Variants in LUZP2 observed in about 807,000 individuals in gnomAD.
LUZP2 encodes the protein leucine zipper protein 2.
LUZP2 carries 52 observed loss-of-function variants against 51.6 expected under a neutral mutation model. The observed-to-expected ratio is 1.01, with a 90% confidence interval of 0.81 to 1.27. The LOEUF is 1.27. Ranked by LOEUF, LUZP2 falls within the 50% of genes most tolerant of loss-of-function variation. LUZP2 has a pLI of 0.00. For synonymous variants in LUZP2, 154 were observed against 137.3 expected, an observed-to-expected ratio of 1.12 and a Z score of -0.85; for missense variants, 436 against 395.4, an observed-to-expected ratio of 1.10 and a Z score of -0.87.
rs544177221 is a variant in LUZP2, at chr11:24,685,912, T to C, written c.63-43257T>C. Among the ~76,000 whole-genome samples the C allele has an allele frequency of 1.0e-3, 153 of 152,288 alleles. 1 individual carries two copies. The highest frequency in any genetic ancestry group is 3.4e-3 in the Middle Eastern group (1 of 294). ...CCACCTAATGTCCTTCCTTACCTACTCCCAGATATTTTTGAAGAAGCATCA... is the reference window on the plus strand; with the variant it reads ...CCACCTAATGTCCTTCCTTACCTACCCCCAGATATTTTTGAAGAAGCATCA... On this transcript the variant is annotated intron_variant, in intron 1 of 11. Transcript: ENST00000336930.
intron 1 of LUZP2, among the ~76,000 whole-genome samples, chr11:24,604,045 T>C (rs1207026837): frequency 6.6e-6 from 1 of 151,848 alleles, no homozygotes; most frequent in African/African-American, 2.4e-5. Flanking sequence ...CAAAATTCTG[T>C]GTAATTTACA....
chr11:24,895,602 G>A (rs556419495), intron 5 of LUZP2, among the ~76,000 whole-genome samples: 1 of 152,284 alleles, frequency 6.6e-6, no homozygotes, highest in East Asian at 1.9e-4. Flanking sequence ...TTATAAGTGA[G>A]AATATGTGGT....
At chr11:24,652,123 TG>T (rs1444582080) in intron 1 of LUZP2, among the ~76,000 whole-genome samples, 4 of 151,996 alleles carry the variant, frequency 2.6e-5, no homozygotes, top group Non-Finnish European at 4.4e-5. Flanking sequence ...TGTGTGTGTG[TG>T]TGTGCGTATG....
At chr11:24,817,870 G>T (rs1850231694) in intron 5 of LUZP2, among the ~76,000 whole-genome samples, 1 of 151,880 alleles carries the variant, frequency 6.6e-6, no homozygotes, top group Non-Finnish European at 1.5e-5. Flanking sequence ...CATACACTGT[G>T]TAATATTTTC....
At chr11:25,055,358 G>T (rs1042264299) in intron 10 of LUZP2, among the ~76,000 whole-genome samples, 4 of 151,580 alleles carry the variant, frequency 2.6e-5, no homozygotes, top group African/African-American at 9.7e-5. Context: ...AGTTTTTCAG[G>T]GTACAAGTCT....
At chr11:24,544,489 G>A (rs1370330538) in intron 1 of LUZP2, among the ~76,000 whole-genome samples, 1 of 151,976 alleles carries the variant, frequency 6.6e-6, no homozygotes, top group Non-Finnish European at 1.5e-5. Context: ...CCTACTATGT[G>A]TCCATGAGTT....
At chr11:24,546,102 G>C (rs1590164655) in intron 1 of LUZP2, among the ~76,000 whole-genome samples, 1 of 151,998 alleles carries the variant, frequency 6.6e-6, no homozygotes, top group South Asian at 2.1e-4. Context: ...TTGGTGTATA[G>C]GAATGTTATG....
chr11:24,509,353 A>G (rs1464806575), intron 1 of LUZP2, among the ~76,000 whole-genome samples: 1 of 152,016 alleles, frequency 6.6e-6, no homozygotes, highest in South Asian at 2.1e-4. Context: ...TAACTGTTCT[A>G]GAATTAACTC....
intron 5 of LUZP2, among the ~76,000 whole-genome samples, chr11:24,781,563 T>C (rs1384618819): frequency 8.3e-6 from 1 of 121,116 alleles, no homozygotes; most frequent in Non-Finnish European, 1.7e-5. Flanking sequence ...AGACCTGTGT[T>C]TCATGATTTT....
At chr11:25,026,538 AT>A (rs1857497504) in intron 9 of LUZP2, among the ~76,000 whole-genome samples, 1 of 64,000 alleles carries the variant, frequency 1.6e-5, no homozygotes, top group African/African-American at 3.0e-5. Flanking sequence ...AAATGTGATT[AT>A]TTTTTTCTAA....
intron 5 of LUZP2, among the ~76,000 whole-genome samples, chr11:24,849,073 T>G (rs905736420): frequency 1.3e-5 from 2 of 152,076 alleles, no homozygotes; most frequent in African/African-American, 4.8e-5. Flanking sequence ...TACTCAGCAT[T>G]TTTTCATTTA....
intron 5 of LUZP2, among the ~76,000 whole-genome samples, chr11:24,848,976 C>G (rs1234572940): frequency 2.6e-5 from 4 of 151,970 alleles, no homozygotes; most frequent in Admixed American, 2.6e-4. Flanking sequence ...ACAGCAAAAC[C>G]CACAACCTAA....
chr11:24,676,050 C>A (rs1856540030), intron 1 of LUZP2, among the ~76,000 whole-genome samples: 1 of 152,016 alleles, frequency 6.6e-6, no homozygotes, highest in Non-Finnish European at 1.5e-5. Context: ...AACTCCTAAC[C>A]TCAAGTGATC....
chr11:24,783,615 C>G (rs904158171), intron 5 of LUZP2, among the ~76,000 whole-genome samples: 1 of 151,894 alleles, frequency 6.6e-6, no homozygotes, highest in Non-Finnish European at 1.5e-5. Context: ...ATACATGAAT[C>G]TGCAACCTTC....
rs572656293 is a variant in LUZP2 at position 24,628,200 on chromosome 11, C to A, written c.63-100969C>A. On this transcript the variant is annotated intron_variant, in intron 1 of 11. Transcript: ENST00000336930. ...ACACTTGCATACACACGCACACACA[C>A]ACACCCATGCATACACACACACACA... is the stretch of plus-strand genomic sequence containing the variant. 1.6e-4 allele frequency among the ~76,000 whole-genome samples: 21 copies of A among 129,870 alleles called. No individual in the cohort carries two copies. In the South Asian group the frequency reaches 5.3e-3, roughly 33 times the overall value. 85.2% of individuals were successfully genotyped at this position (129,870 alleles called of 152,430 possible).
chr11:25,081,031 T>A lies in LUZP2; in HGVS notation c.*2373T>A, dbSNP rs1859446109. ...CAAGTGGGCTTTGGATCCATATGATTTTTTTTTTTTTTTTTTTTTGAGATG... is the reference window on the plus strand; with the variant it reads ...CAAGTGGGCTTTGGATCCATATGATATTTTTTTTTTTTTTTTTTTGAGATG... On this transcript the variant is annotated 3_prime_UTR_variant, in exon 12 of 12. Coordinates refer to ENST00000336930, the MANE Select transcript of LUZP2 (RefSeq NM_001009909.4). 8.5e-6 allele frequency: 1 copy of A among 117,460 alleles called. No homozygotes were observed. Among genetic ancestry groups the A allele is most frequent in the African/African-American group, 4.4e-5 (1 of 22,530 alleles). The allele number at this position is 117,460 out of a possible 1,614,324, so 7.3% of individuals were successfully genotyped here. A position where few individuals can be genotyped will look rare whatever the true frequency, so the allele number is the denominator to read the frequency against.
chr11:25,018,978 AAG>A (rs935045781), intron 9 of LUZP2, among the ~76,000 whole-genome samples: 6 of 152,168 alleles, frequency 3.9e-5, no homozygotes, highest in African/African-American at 1.4e-4. Flanking sequence ...GCAGAAAGTA[AAG>A]AGAGTTCCCA....
intron 5 of LUZP2, among the ~76,000 whole-genome samples, chr11:24,875,323 A>G (rs1852214870): frequency 6.7e-6 from 1 of 148,990 alleles, no homozygotes; most frequent in East Asian, 2.0e-4. Flanking sequence ...TCATTGTTCA[A>G]TTCCCACCTA....
chr11:24,637,877 G>C (rs1379229840), intron 1 of LUZP2, among the ~76,000 whole-genome samples: 4 of 151,854 alleles, frequency 2.6e-5, no homozygotes, highest in African/African-American at 9.7e-5. Context: ...TTTGAAGCAT[G>C]TGATCCCTGT....
Sources: allele counts gnomAD v4.1 joint callset (sites outside exome capture counted in the v4.1 genomes callset), GRCh38; gene constraint gnomAD v4.1.1; transcripts MANE v1.5; gene names NCBI Gene and HGNC (gene_info 2026-07-23, HGNC 2026-07-21).